The following BTNL9 variants were observed in gnomAD, a reference collection of about 807,000 sequenced individuals.
The protein encoded by BTNL9 is butyrophilin-like protein 9.
In BTNL9, 45 loss-of-function variants were observed where a neutral mutation model predicts 45.8. The ratio of observed to expected loss-of-function variants is 0.98; its 90% CI spans 0.77 to 1.26. The LOEUF (loss-of-function observed/expected upper bound fraction) is 1.26. Among genes scored for constraint, BTNL9 ranks in the 50% most tolerant of loss-of-function variants. The probability of loss-of-function intolerance (pLI) is 0.00; values close to 1 mark genes in which losing one functional copy is unlikely to be tolerated. For synonymous variants in BTNL9, 346 were observed against 330.8 expected (o/e 1.05, Z -0.50); for missense variants, 784 against 729.7 (o/e 1.07, Z -0.86).
intron 3 of BTNL9, among the ~76,000 whole-genome samples, chr5:181,049,646 C>T (rs1446661482): frequency 6.6e-6 from 1 of 152,142 alleles, no homozygotes; most frequent in Admixed American, 6.6e-5. Context: ...TAATGTTTTG[C>T]ATACTCAAAA....
Position 181,042,011 on chromosome 5 carries a change from G to T in BTNL9, c.-24+1579G>T, listed in dbSNP as rs1760797341. Among the ~76,000 whole-genome samples the T allele has an allele frequency of 1.3e-5, 2 of 152,168 alleles. No individual in the cohort carries two copies. Among genetic ancestry groups the T allele is most frequent in the South Asian group, 4.1e-4 (2 of 4,830 alleles). Reference sequence around the variant, plus strand: ...TCTTTAAAGACAGACTCGACGGAGGGACCGGAAATCAGAAAAACATCAGGG... The same window carrying T: ...TCTTTAAAGACAGACTCGACGGAGGTACCGGAAATCAGAAAAACATCAGGG... On this transcript the variant is annotated intron_variant, in intron 1 of 10. Transcript: ENST00000327705. The surrounding 1 kb of genome is among the most constrained non-coding windows in gnomAD (Gnocchi z 4.5).
At chr5:181,048,794 T>A (rs62405403) in intron 3 of BTNL9, among the ~76,000 whole-genome samples, 4 of 32,860 alleles carry the variant, frequency 1.2e-4, no homozygotes, top group Non-Finnish European at 2.7e-4. Context: ...AATTATATAG[T>A]TATATATTAT....
In BTNL9 at chr5:181,055,297, A is replaced by T; in HGVS notation, c.908-136A>T. 1.3e-6 allele frequency: 2 copies of T among 1,557,512 alleles called. No individual in the cohort carries two copies. Among genetic ancestry groups the T allele is most frequent in the Non-Finnish European group, 1.7e-6 (2 of 1,156,732 alleles). On this transcript the variant is annotated intron_variant, in intron 7 of 10. Transcript: ENST00000327705. This position sits in a 1 kb window ranked among gnomAD's most constrained non-coding sequence, Gnocchi z 4.4. Reference sequence around the variant, plus strand: ...TGAGGGCAATGAAGGGGCAAAGAGGAAGCTGTAAAAAAAAAAAAATGAAGC... The same window carrying T: ...TGAGGGCAATGAAGGGGCAAAGAGGTAGCTGTAAAAAAAAAAAAATGAAGC...
At position 181,053,252 on chromosome 5, in the gene BTNL9, G is replaced by A. The variant is rs1327862496; in HGVS notation, c.789G>A (p.Leu263=). The A allele has an allele frequency of 3.8e-6, 6 of 1,589,768 alleles. No homozygotes were observed. Among genetic ancestry groups the A allele is most frequent in the Admixed American group, 1.7e-5 (1 of 58,370 alleles). ...GGAAGAGCGCGTTCGTCGCGACCCT[G>A]CCGCTGCTGTTGGTCCTCGCGGCGC... ...SAWKSAFVAT[L]PLLLVLAALA... The change falls in exon 5 of 11, where the codon CTG becomes CTA. Residue 263 remains leucine, a synonymous_variant. Coordinates refer to ENST00000327705, the MANE Select transcript of BTNL9 (RefSeq NM_152547.5). This position sits in a 1 kb window ranked among gnomAD's most constrained non-coding sequence, Gnocchi z 6.5.
At position 181,059,225 on chromosome 5, in the gene BTNL9, G is replaced by T. The variant is rs745489457; in HGVS notation, c.983-12G>T. The T allele has an allele frequency of 6.5e-7, 1 of 1,529,676 alleles. No homozygotes were observed. Among genetic ancestry groups the T allele is most frequent in the South Asian group, 1.2e-5 (1 of 83,112 alleles). The allele number at this position is 1,529,676 out of a possible 1,614,324, so 94.8% of individuals were successfully genotyped here. A position where few individuals can be genotyped will look rare whatever the true frequency, so the allele number is the denominator to read the frequency against. Reference sequence around the variant, plus strand: ...CGTCCCGGGCGGGCACTAACGCTGTGGCTCTGCGCAGTGGATGTGACGCTG... The same window carrying T: ...CGTCCCGGGCGGGCACTAACGCTGTTGCTCTGCGCAGTGGATGTGACGCTG... On this transcript the variant is annotated splice_polypyrimidine_tract_variant and intron_variant, in intron 10 of 10. Coordinates refer to ENST00000327705, the MANE Select transcript of BTNL9 (RefSeq NM_152547.5).
At chr5:181,040,690 C>A (rs765488944) in intron 1 of BTNL9, among the ~76,000 whole-genome samples, 1 of 152,212 alleles carries the variant, frequency 6.6e-6, no homozygotes, top group African/African-American at 2.4e-5. Context: ...AGCCTCATTG[C>A]GGTTCCCTTC....
In BTNL9 at chr5:181,059,643, C is replaced by T. The variant is rs771110908; in HGVS notation, c.1389C>T (p.Phe463=). 1.2e-5 allele frequency: 19 copies of T among 1,613,592 alleles called. No individual in the cohort carries two copies. Among genetic ancestry groups the T allele is most frequent in the African/African-American group, 4.0e-5 (3 of 74,946 alleles). Residue 463 remains phenylalanine, a synonymous_variant, in exon 11 of 11, where the codon TTC becomes TTT. Coordinates refer to ENST00000327705, the MANE Select transcript of BTNL9 (RefSeq NM_152547.5). ...ACGAGGCCGGAGAGCTGTCCTTCTT[C>T]AACGTGTCCGACGGCTCCCACATCT... ...LDYEAGELSF[F]NVSDGSHIFT...
intron 2 of BTNL9, among the ~76,000 whole-genome samples, chr5:181,046,008 C>T (rs866710733): frequency 1.4e-4 from 18 of 131,816 alleles, no homozygotes; most frequent in South Asian, 2.5e-4. Context: ...CTCCCCAGCC[C>T]CCAACACCTC....
intron 4 of BTNL9, among the ~76,000 whole-genome samples, chr5:181,051,285 A>T (rs1761526725): frequency 6.6e-6 from 1 of 152,076 alleles, no homozygotes; most frequent in Non-Finnish European, 1.5e-5. Flanking sequence ...CATGGTTCTA[A>T]TTGTTTTACA....
rs1167150583 is a variant in BTNL9 at position 181,059,226 on chromosome 5, G to C, written c.983-11G>C. 11 of 1,533,646 alleles carry C rather than the reference G, an allele frequency of 7.2e-6. No homozygotes were observed. The highest frequency in any genetic ancestry group is 8.7e-6 in the Non-Finnish European group (10 of 1,149,782). On this transcript the variant is annotated splice_polypyrimidine_tract_variant and intron_variant, in intron 10 of 10. Transcript: ENST00000327705. Reference sequence around the variant, plus strand: ...GTCCCGGGCGGGCACTAACGCTGTGGCTCTGCGCAGTGGATGTGACGCTGG... The same window carrying C: ...GTCCCGGGCGGGCACTAACGCTGTGCCTCTGCGCAGTGGATGTGACGCTGG...
rs1283203924 is a variant in BTNL9, at chr5:181,045,584, G to C, written c.95G>C (p.Gly32Ala). The change falls in exon 2 of 11, where the codon GGG becomes GCG. Residue 32 changes from glycine (G) to alanine (A), a missense_variant. Physicochemically the swap from Gly to Ala is moderately conservative, Grantham distance 60. Coordinates refer to ENST00000327705, the MANE Select transcript of BTNL9 (RefSeq NM_152547.5). ...FLMHLLLLQP[G>A]EPSSEVKVLG... ...ATGCACCTCCTCCTCCTTCAGCCTG[G>C]GGAGCCGAGCTCAGGTATTGTGTCT... is the stretch of plus-strand genomic sequence containing the variant. 1.2e-6 allele frequency: 2 copies of C among 1,611,968 alleles called. No homozygotes were observed. The highest frequency in any genetic ancestry group is 2.2e-5 in the South Asian group (2 of 91,064).
Position 181,048,762 on chromosome 5 carries a change from TA to T in BTNL9, c.454+492del, listed in dbSNP as rs1307357861. Among the ~76,000 whole-genome samples, 31 of 75,146 alleles carry T rather than the reference TA, an allele frequency of 4.1e-4. 2 individuals are homozygous for T. The highest frequency in any genetic ancestry group is 1.2e-3 in the African/African-American group (30 of 25,714). The allele number at this position is 75,146 out of a possible 152,430, so 49.3% of individuals were successfully genotyped here. A position where few individuals can be genotyped will look rare whatever the true frequency, so the allele number is the denominator to read the frequency against. ...ATCTATCTATATATATAGATATAGA[TA>T]TATATAGTATGCTATATATTAATTA... On this transcript the variant is annotated intron_variant, in intron 3 of 10. Transcript: ENST00000327705.
intron 9 of BTNL9, 136 bp downstream of exon 9, chr5:181,056,151 C>A: frequency 1.0e-6 from 1 of 1,002,264 alleles, no homozygotes; most frequent in Non-Finnish European, 1.6e-6. Flanking sequence ...ATCTATGTCA[C>A]TGGGTAGAGG....
chr5:181,054,300 G>A (rs1393821477), intron 7 of BTNL9, 41 bp downstream of exon 7: 1 of 1,608,234 alleles, frequency 6.2e-7, no homozygotes, highest in Non-Finnish European at 8.5e-7. Context: ...CCTGTCAGCC[G>A]GACCCTGTGC....
chr5:181,057,035 TG>T (rs1761919429), intron 9 of BTNL9: 1 of 158,202 alleles, frequency 6.3e-6, no homozygotes, highest in Admixed American at 6.4e-5. Flanking sequence ...TGTGTGTGTG[TG>T]TGTGTGTGAG....
chr5:181,056,388 G>C (rs1761883473), intron 9 of BTNL9: 1 of 622,458 alleles, frequency 1.6e-6, no homozygotes, highest in Non-Finnish European at 2.9e-6. Context: ...TGCAAAATGT[G>C]AATATCGATG....
Position 181,050,484 on chromosome 5 carries a change from G to T in BTNL9, c.736+115G>T, listed in dbSNP as rs911707142. 1.3e-5 allele frequency: 17 copies of T among 1,313,082 alleles called. No individual in the cohort carries two copies. In the South Asian group the frequency reaches 2.3e-4, roughly 18 times the overall value. The allele number at this position is 1,313,082 out of a possible 1,614,324, so 81.3% of individuals were successfully genotyped here. ...CTGCGCCTGTCTGCATATAGGGTGTGTTGGCCTTGACACCTGAAAAGTCAG... is the reference window on the plus strand; with the variant it reads ...CTGCGCCTGTCTGCATATAGGGTGTTTTGGCCTTGACACCTGAAAAGTCAG... On this transcript the variant is annotated intron_variant, in intron 4 of 10. Transcript: ENST00000327705. This position sits in a 1 kb window ranked among gnomAD's most constrained non-coding sequence, Gnocchi z 4.9.
rs1761723576 is a variant in BTNL9 at position 181,053,886 on chromosome 5, A to G, written c.887-353A>G. ...ATGCGCAACATCTCCGCACAGGGTC[A>G]GGAAGCGGCGGTCAGGCACCGAGAA... On this transcript the variant is annotated intron_variant, in intron 6 of 10. Coordinates refer to ENST00000327705, the MANE Select transcript of BTNL9 (RefSeq NM_152547.5). The surrounding 1 kb of genome is among the most constrained non-coding windows in gnomAD (Gnocchi z 6.5). The G allele has an allele frequency of 6.6e-7, 1 of 1,503,784 alleles. No homozygotes were observed. Among genetic ancestry groups the G allele is most frequent in the Non-Finnish European group, 8.9e-7 (1 of 1,126,376 alleles). The allele number at this position is 1,503,784 out of a possible 1,614,324, so 93.2% of individuals were successfully genotyped here. A position where few individuals can be genotyped will look rare whatever the true frequency, so the allele number is the denominator to read the frequency against.
rs1310593903 is a variant in BTNL9, at chr5:181,059,511, C to G, written c.1257C>G (p.Tyr419Ter). Residue 419 changes from tyrosine to a stop codon, truncating the protein, a stop_gained, in exon 11 of 11, where the codon TAC becomes TAG. Coordinates refer to ENST00000327705, the MANE Select transcript of BTNL9 (RefSeq NM_152547.5). LOFTEE classifies it low-confidence loss of function (END_TRUNC). ...GPARLSPAAG[Y>*]WVLGLWNGCE... is the part of the protein sequence containing the mutation. ...CGCGCCTGAGCCCTGCGGCCGGCTA[C>G]TGGGTGCTGGGGCTGTGGAACGGCT... 6.3e-7 allele frequency: 1 copy of G among 1,595,098 alleles called. No individual in the cohort carries two copies. Among genetic ancestry groups the G allele is most frequent in the African/African-American group, 1.3e-5 (1 of 74,392 alleles).
Sources: allele counts gnomAD v4.1 joint callset (sites outside exome capture counted in the v4.1 genomes callset), GRCh38; gene constraint gnomAD v4.1.1; non-coding constraint Gnocchi (gnomAD v3.1); transcripts MANE v1.5; gene names NCBI Gene and HGNC (gene_info 2026-07-23, HGNC 2026-07-21).